The following KIF13B variants were observed in gnomAD, a reference collection of about 807,000 sequenced individuals.
KIF13B encodes the protein kinesin-like protein KIF13B.
Under a neutral mutation model 222.0 loss-of-function variants are expected in KIF13B, and 127 were observed. The ratio of observed to expected loss-of-function variants is 0.57; its 90% CI spans 0.50 to 0.66. The LOEUF (loss-of-function observed/expected upper bound fraction) is 0.66, where lower values mean the gene tolerates loss of function less well. KIF13B is among the 30% of genes least tolerant of loss of function. The probability of loss-of-function intolerance (pLI) is 0.00; values close to 1 mark genes in which losing one functional copy is unlikely to be tolerated. For synonymous variants in KIF13B, 976 were observed against 919.0 expected (o/e 1.06, Z -1.12); for missense variants, 2,173 against 2,379.0 (o/e 0.91, Z 1.80).
chr8:29,208,535 C>T (rs1359518716), intron 2 of KIF13B, among the ~76,000 whole-genome samples: 1 of 152,078 alleles, frequency 6.6e-6, no homozygotes, highest in African/African-American at 2.4e-5. Flanking sequence ...AGTCCAGAGT[C>T]TATAACCCAA....
intron 33 of KIF13B, 113 bp downstream of exon 33, chr8:29,109,805 A>G (rs1223564531): frequency 2.0e-6 from 2 of 1,016,100 alleles, no homozygotes; most frequent in Non-Finnish European, 2.9e-6. Flanking sequence ...AAAGTTCATT[A>G]GAGTGAACTC....
chr8:29,111,114 C>T (rs1563710194), intron 32 of KIF13B, among the ~76,000 whole-genome samples: 1 of 152,212 alleles, frequency 6.6e-6, no homozygotes, highest in Non-Finnish European at 1.5e-5. Context: ...TTGTCTTGTA[C>T]AGTAATTCAT....
At chr8:29,237,398 A>G (rs1001312414) in intron 2 of KIF13B, among the ~76,000 whole-genome samples, 2 of 152,166 alleles carry the variant, frequency 1.3e-5, no homozygotes, top group African/African-American at 2.4e-5. Flanking sequence ...CCAGAATTCT[A>G]GGGAAATTCA....
intron 2 of KIF13B, among the ~76,000 whole-genome samples, chr8:29,206,017 T>C (rs1046146735): frequency 2.0e-5 from 3 of 152,012 alleles, no homozygotes; most frequent in African/African-American, 7.2e-5. Context: ...CTTGAACTGA[T>C]GAGCTTGCAC....
chr8:29,104,190 C>T (rs1303104457), intron 35 of KIF13B, among the ~76,000 whole-genome samples: 1 of 152,072 alleles, frequency 6.6e-6, no homozygotes, highest in African/African-American at 2.4e-5. Context: ...ACTGTCCCCA[C>T]TATCCCCTCG....
At chr8:29,179,301 A>G (rs1291248457) in intron 8 of KIF13B, among the ~76,000 whole-genome samples, 1 of 152,062 alleles carries the variant, frequency 6.6e-6, no homozygotes, top group Admixed American at 6.6e-5. Context: ...AATATTCTGT[A>G]GAAATGGAGT....
In KIF13B at chr8:29,116,944, G is replaced by A. The variant is rs755501198; in HGVS notation, c.3724C>T (p.Pro1242Ser). The A allele has an allele frequency of 1.2e-6, 2 of 1,612,406 alleles. No homozygotes were observed. Among genetic ancestry groups the A allele is most frequent in the Non-Finnish European group, 1.7e-6 (2 of 1,178,780 alleles). ...ATCAGGAACAACCGCTCGTCCACGG[G>A]CGTGCCCCTGCTGAGCTGAGGGCAG... Reference protein sequence around the residue: ...HGCPQLSRGTPVDERLFLIVR... With the variant: ...HGCPQLSRGTSVDERLFLIVR... Residue 1242 changes from proline to serine, a missense_variant, in exon 31 of 40, where the codon CCC (proline) becomes TCC (serine). Physicochemically the swap from Pro to Ser is moderately conservative, Grantham distance 74. Transcript: ENST00000524189.
intron 8 of KIF13B, 101 bp downstream of exon 8, chr8:29,180,003 T>G: frequency 7.5e-7 from 1 of 1,331,350 alleles, no homozygotes; most frequent in Non-Finnish European, 1.1e-6. Context: ...GATACACAAG[T>G]CTAGCCAGGA....
At chr8:29,233,815 C>T (rs117917884) in intron 2 of KIF13B, among the ~76,000 whole-genome samples, 2,241 of 152,308 alleles carry the variant, frequency 0.015, 30 homozygotes, top group Non-Finnish European at 0.022. Flanking sequence ...GATCACATCA[C>T]TGCACTCCAG....
chr8:29,187,549 C>T (rs1812992510), intron 5 of KIF13B, among the ~76,000 whole-genome samples: 3 of 151,906 alleles, frequency 2.0e-5, no homozygotes, highest in South Asian at 2.1e-4. Context: ...AGATTTTCTC[C>T]GTTGTAAAAG....
intron 2 of KIF13B, among the ~76,000 whole-genome samples, chr8:29,214,101 T>G (rs1055374871): frequency 6.6e-6 from 1 of 152,136 alleles, no homozygotes; most frequent in Admixed American, 6.6e-5. Flanking sequence ...AGTGGGTGAG[T>G]GGTGAGTGAA....
chr8:29,086,682 T>C (rs1411962282), intron 37 of KIF13B, among the ~76,000 whole-genome samples: 1 of 152,262 alleles, frequency 6.6e-6, no homozygotes, highest in East Asian at 1.9e-4. Flanking sequence ...TTTCACATTA[T>C]AACCCTTAAG....
At chr8:29,196,273 G>T in intron 2 of KIF13B, 74 bp from the exon 3 acceptor site, 3 of 1,285,292 alleles carry the variant, frequency 2.3e-6, no homozygotes, top group Non-Finnish European at 2.2e-6. Flanking sequence ...TAGTTTAGAA[G>T]ACTTTTTTTG....
rs544649820 is a variant in KIF13B at position 29,165,801 on chromosome 8, T to C, written c.1159-29A>G. On this transcript the variant is annotated intron_variant, in intron 11 of 39. Transcript: ENST00000524189. ...CAAGCAAAATGTTTACTTCATGAAA[T>C]GTCTAGAAGATGCCCTGGAAAAAGA... 71 of 1,489,750 alleles carry C rather than the reference T, an allele frequency of 4.8e-5. 2 individuals carry two copies. The South Asian group carries it at 8.0e-4, about 17-fold the overall frequency. 92.3% of individuals were successfully genotyped at this position (1,489,750 alleles called of 1,614,324 possible).
At chr8:29,253,887 C>T (rs1357936152) in intron 1 of KIF13B, among the ~76,000 whole-genome samples, 1 of 92,898 alleles carries the variant, frequency 1.1e-5, no homozygotes, top group Non-Finnish European at 2.4e-5. Flanking sequence ...ATAGCCAAAA[C>T]AATCTTGAAA....
At chr8:29,162,959 A>C (rs1206000307) in intron 12 of KIF13B, among the ~76,000 whole-genome samples, 2 of 152,238 alleles carry the variant, frequency 1.3e-5, no homozygotes, top group Non-Finnish European at 2.9e-5. Context: ...TACATAATAC[A>C]TAAACAAATG....
intron 2 of KIF13B, among the ~76,000 whole-genome samples, chr8:29,229,315 C>T (rs934137091): frequency 3.3e-5 from 5 of 152,110 alleles, no homozygotes; most frequent in Admixed American, 1.3e-4. Flanking sequence ...TTTGGAGAGA[C>T]GAGCTTAGGC....
At chr8:29,257,268 A>T (rs1487303296) in intron 1 of KIF13B, among the ~76,000 whole-genome samples, 3 of 152,084 alleles carry the variant, frequency 2.0e-5, no homozygotes, top group Non-Finnish European at 4.4e-5. Flanking sequence ...ATGGACTTGC[A>T]TGGAGTGGAC....
intron 14 of KIF13B, among the ~76,000 whole-genome samples, chr8:29,153,680 CAAA>C (rs11422906): frequency 7.1e-6 from 1 of 140,680 alleles, no homozygotes. Flanking sequence ...TAACTCCTGC[CAAA>C]AAAAAAAAAA....
Sources: gnomAD v4.1 joint callset for allele counts (sites outside exome capture counted in the v4.1 genomes callset) on GRCh38, gnomAD v4.1.1 for gene constraint, MANE v1.5 for transcripts, NCBI Gene and HGNC (gene_info 2026-07-23, HGNC 2026-07-21) for gene names.